The following CHRM3 variants were observed in gnomAD, a reference collection of about 807,000 sequenced individuals.
CHRM3 encodes the protein muscarinic acetylcholine receptor M3.
A neutral mutation model predicts 41.8 loss-of-function variants in CHRM3; 11 were observed. The observed-to-expected ratio is 0.26, with a 90% CI of 0.17 to 0.44. The LOEUF is 0.44. CHRM3 is among the 20% of genes least tolerant of loss of function. CHRM3 has a pLI of 1.00. For missense variants in CHRM3, 571 were observed against 745.4 expected, an observed-to-expected ratio of 0.77 and a Z score of 2.72; for synonymous variants, 297 against 301.4, an observed-to-expected ratio of 0.99 and a Z score of 0.15.
Position 239,813,895 on chromosome 1 carries a change from C to G in CHRM3, c.-146-13357C>G, listed in dbSNP as rs491905. Among the ~76,000 whole-genome samples, 13 of 134,234 alleles carry G rather than the reference C, an allele frequency of 9.7e-5. No individual in the cohort carries two copies. In the East Asian group the frequency reaches 1.3e-3, roughly 13 times the overall value. The allele number at this position is 134,234 out of a possible 152,430, so 88.1% of individuals were successfully genotyped here. A position where few individuals can be genotyped will look rare whatever the true frequency, so the allele number is the denominator to read the frequency against. On this transcript the variant is annotated intron_variant, in intron 5 of 6. Coordinates refer to ENST00000676153, the MANE Select transcript of CHRM3 (RefSeq NM_001375978.1). Reference sequence around the variant, plus strand: ...TCCCGCCACTGCACTCCAGCCTGGGCGACAGAGCGAGACTCCGTCTCAAAA... The same window carrying G: ...TCCCGCCACTGCACTCCAGCCTGGGGGACAGAGCGAGACTCCGTCTCAAAA...
intron 1 of CHRM3, among the ~76,000 whole-genome samples, chr1:239,439,981 C>CCT: frequency 6.6e-6 from 1 of 151,758 alleles, no homozygotes; most frequent in East Asian, 1.9e-4. Context: ...AGGCGGATCA[C>CCT]GAGGTTAGGA....
At position 239,907,869 on chromosome 1, in the gene CHRM3, G is replaced by T. The variant is rs1162942205; in HGVS notation, c.418G>T (p.Ala140Ser). 6.2e-7 allele frequency: 1 copy of T among 1,614,204 alleles called. No individual in the cohort carries two copies. The highest frequency in any genetic ancestry group is 8.5e-7 in the Non-Finnish European group (1 of 1,180,034). Residue 140 changes from alanine (A) to serine (S), a missense_variant, in exon 7 of 7, where the codon GCC (alanine) becomes TCC (serine). Coordinates refer to ENST00000676153, the MANE Select transcript of CHRM3 (RefSeq NM_001375978.1). The surrounding 1 kb of genome is among the most constrained non-coding windows in gnomAD (Gnocchi z 5.4). Reference protein sequence around the residue: ...IMNRWALGNLACDLWLAIDYV... With the variant: ...IMNRWALGNLSCDLWLAIDYV... ...GAATCGATGGGCCTTAGGGAACTTG[G>T]CCTGTGACCTCTGGCTTGCCATTGA...
chr1:239,783,995 A>G (rs562155401), intron 5 of CHRM3, among the ~76,000 whole-genome samples: 1 of 152,208 alleles, frequency 6.6e-6, no homozygotes, highest in African/African-American at 2.4e-5. Context: ...TTCACCGAGG[A>G]TAATGGCCTC....
intron 5 of CHRM3, among the ~76,000 whole-genome samples, chr1:239,740,525 A>G (rs1664751625): frequency 6.6e-6 from 1 of 151,714 alleles, no homozygotes; most frequent in Non-Finnish European, 1.5e-5. Flanking sequence ...ATAGGTATAC[A>G]TGTGCCATGG....
chr1:239,476,034 A>G (rs1666445287), intron 1 of CHRM3, among the ~76,000 whole-genome samples: 1 of 151,856 alleles, frequency 6.6e-6, no homozygotes, highest in Admixed American at 6.6e-5. Flanking sequence ...AAATGAACAT[A>G]ATTTCTTTGG....
intron 2 of CHRM3, among the ~76,000 whole-genome samples, chr1:239,519,521 C>T (rs1409089995): frequency 6.6e-6 from 1 of 152,084 alleles, no homozygotes; most frequent in Non-Finnish European, 1.5e-5. Flanking sequence ...CTAATCAGTT[C>T]TTTAACTGGG....
chr1:239,412,642 A>C (rs1169415345), intron 1 of CHRM3, among the ~76,000 whole-genome samples: 1 of 151,934 alleles, frequency 6.6e-6, no homozygotes, highest in Non-Finnish European at 1.5e-5. Context: ...TCACTGCTGC[A>C]GTATATCCTG....
In CHRM3 at chr1:239,487,076, GCTATT is replaced by G. The variant is rs781023278; in HGVS notation, c.-520-5630_-520-5626del. On this transcript the variant is annotated intron_variant, in intron 1 of 6. Coordinates refer to ENST00000676153, the MANE Select transcript of CHRM3 (RefSeq NM_001375978.1). ...CATATTAAATTCTTGTTATATTTAT[GCTATT>G]CTTTCTTCCACTTGCATATGAAACT... Among the ~76,000 whole-genome samples, 3 of 152,184 alleles carry G rather than the reference GCTATT, an allele frequency of 2.0e-5. No homozygotes were observed. The East Asian group carries it at 5.8e-4, about 29-fold the overall frequency.
intron 6 of CHRM3, among the ~76,000 whole-genome samples, chr1:239,860,715 G>A (rs958396971): frequency 1.3e-5 from 2 of 152,164 alleles, no homozygotes; most frequent in African/African-American, 4.8e-5. Context: ...TTGTGGTGTC[G>A]TGTCATGTCA....
intron 5 of CHRM3, among the ~76,000 whole-genome samples, chr1:239,690,634 GA>G (rs930958300): frequency 1.2e-4 from 18 of 150,216 alleles, no homozygotes; most frequent in South Asian, 1.1e-3. Context: ...CTCATCTTAA[GA>G]AAAAAAAATT....
At chr1:239,808,364 A>G (rs894409770) in intron 5 of CHRM3, among the ~76,000 whole-genome samples, 9 of 152,166 alleles carry the variant, frequency 5.9e-5, no homozygotes, top group Admixed American at 1.3e-4. Flanking sequence ...TTAATCTGCA[A>G]CAGAGAAGGT....
intron 1 of CHRM3, among the ~76,000 whole-genome samples, chr1:239,479,671 C>T (rs1666700372): frequency 2.0e-5 from 3 of 152,136 alleles, no homozygotes; most frequent in Non-Finnish European, 2.9e-5. Context: ...ACCTGTGCAG[C>T]ATGTTACTGT....
chr1:239,584,031 A>G (rs549949989), intron 3 of CHRM3, among the ~76,000 whole-genome samples: 45 of 151,358 alleles, frequency 3.0e-4, no homozygotes, highest in Non-Finnish European at 5.4e-4. Context: ...CTCCTCCCAG[A>G]CTTTGTTCTG....
chr1:239,482,007 A>G (rs527653959), intron 1 of CHRM3, among the ~76,000 whole-genome samples: 1 of 152,204 alleles, frequency 6.6e-6, no homozygotes, highest in Admixed American at 6.5e-5. Flanking sequence ...TTTTATTTAT[A>G]TTTTTTTGGA....
intron 4 of CHRM3, among the ~76,000 whole-genome samples, chr1:239,642,851 G>A (rs1231947692): frequency 6.6e-6 from 1 of 152,202 alleles, no homozygotes; most frequent in Admixed American, 6.5e-5. Context: ...TCTGTTTTTA[G>A]AGTTTCCAGT....
At chr1:239,789,846 A>T (rs1403837185) in intron 5 of CHRM3, among the ~76,000 whole-genome samples, 1 of 152,220 alleles carries the variant, frequency 6.6e-6, no homozygotes, top group Non-Finnish European at 1.5e-5. Flanking sequence ...GCCACACTGG[A>T]TAAGTGTGGA....
At chr1:239,560,932 A>G (rs913105606) in intron 3 of CHRM3, among the ~76,000 whole-genome samples, 8 of 150,668 alleles carry the variant, frequency 5.3e-5, no homozygotes, top group Admixed American at 5.3e-4. Flanking sequence ...CCCAGGCTTC[A>G]CTCCTTCCCC....
intron 4 of CHRM3, among the ~76,000 whole-genome samples, chr1:239,641,065 G>A (rs1242601909): frequency 6.6e-6 from 1 of 152,102 alleles, no homozygotes; most frequent in Non-Finnish European, 1.5e-5. Flanking sequence ...TTTAATGTAG[G>A]TGAGCGGTTT....
chr1:239,876,574 T>A (rs1158668335), intron 6 of CHRM3, among the ~76,000 whole-genome samples: 1 of 152,192 alleles, frequency 6.6e-6, no homozygotes, highest in African/African-American at 2.4e-5. Context: ...AAGATGACAT[T>A]CATAGATATA....
Sources: gnomAD v4.1 joint callset for allele counts (sites outside exome capture counted in the v4.1 genomes callset) on GRCh38, gnomAD v4.1.1 for gene constraint, Gnocchi (gnomAD v3.1) non-coding constraint, MANE v1.5 for transcripts, NCBI Gene and HGNC (gene_info 2026-07-23, HGNC 2026-07-21) for gene names.